The following CCSER1 variants were observed in gnomAD, a reference collection of about 807,000 sequenced individuals.
The protein encoded by CCSER1 is serine-rich coiled-coil domain-containing protein 1.
CCSER1 carries 41 observed loss-of-function variants against 82.0 expected under a neutral mutation model. The observed-to-expected ratio is 0.50, with a 90% confidence interval of 0.39 to 0.65. CCSER1 has a LOEUF of 0.65. Among genes scored for constraint, CCSER1 ranks in the 30% least tolerant of loss-of-function variants. The pLI is 0.00. For synonymous variants in CCSER1, 414 were observed against 383.9 expected, an observed-to-expected ratio of 1.08 and a Z score of -0.92; for missense variants, 1,119 against 1,064.2, an observed-to-expected ratio of 1.05 and a Z score of -0.72.
At chr4:90,409,485 T>G (rs987754493) in intron 4 of CCSER1, among the ~76,000 whole-genome samples, 10 of 152,272 alleles carry the variant, frequency 6.6e-5, no homozygotes, top group African/African-American at 1.9e-4. Flanking sequence ...TCAACATTCT[T>G]AAAGAAAAGA....
intron 6 of CCSER1, among the ~76,000 whole-genome samples, chr4:90,687,415 A>T (rs1735018769): frequency 6.6e-6 from 1 of 152,222 alleles, no homozygotes; most frequent in East Asian, 1.9e-4. Context: ...AGGAAAAAAA[A>T]ATAGACACTT....
At chr4:90,891,583 A>G (rs192430480) in intron 8 of CCSER1, among the ~76,000 whole-genome samples, 1 of 152,082 alleles carries the variant, frequency 6.6e-6, no homozygotes, top group African/African-American at 2.4e-5. Flanking sequence ...CCTTAAGACT[A>G]AAATATTTCT....
Position 90,309,180 on chromosome 4 carries a change from A to G in CCSER1, c.896A>G (p.Asn299Ser), listed in dbSNP as rs570695753. ...GATTCTACCTCTCAGATGTCCCTCA[A>G]TTCTGCTGCTGTTACAAAGACAACA... Reference protein sequence around the residue: ...HNDSTSQMSLNSAAVTKTTTE... With the variant: ...HNDSTSQMSLSSAAVTKTTTE... The change falls in exon 2 of 11, where the codon AAT becomes AGT. Residue 299 changes from asparagine (N) to serine (S), a missense_variant. Transcript: ENST00000509176. 2.5e-6 allele frequency: 4 copies of G among 1,613,920 alleles called. No homozygotes were observed. The highest frequency in any genetic ancestry group is 1.3e-5 in the African/African-American group (1 of 75,042).
Position 90,453,274 on chromosome 4 carries a change from A to C in CCSER1, c.1604-14960A>C, listed in dbSNP as rs1310052893. 2.0e-5 allele frequency among the ~76,000 whole-genome samples: 3 copies of C among 152,292 alleles called. No individual in the cohort carries two copies. The East Asian group carries it at 5.8e-4, about 29-fold the overall frequency. Reference sequence around the variant, plus strand: ...AGTTCCCTCAGGTATTTCAGTTAGCAGGTTATAGGAATTGGGAACCACCAG... The same window carrying C: ...AGTTCCCTCAGGTATTTCAGTTAGCCGGTTATAGGAATTGGGAACCACCAG... On this transcript the variant is annotated intron_variant, in intron 4 of 10. Coordinates refer to ENST00000509176, the MANE Select transcript of CCSER1 (RefSeq NM_001145065.2).
rs570448343 is a variant in CCSER1 at position 90,247,946 on chromosome 4, C to G, written c.-41-60298C>G. The stretch of plus-strand genomic sequence containing the variant: ...AAGATATTATTTACCATAAATTTTC[C>G]AGTATTGCCAATATATCTTTTTTGG... On this transcript the variant is annotated intron_variant, in intron 1 of 10. Coordinates refer to ENST00000509176, the MANE Select transcript of CCSER1 (RefSeq NM_001145065.2). Among the ~76,000 whole-genome samples, 32 of 151,878 alleles carry G rather than the reference C, an allele frequency of 2.1e-4. No homozygotes were observed. The South Asian group carries it at 6.0e-3, about 29-fold the overall frequency.
chr4:90,341,092 A>G (rs1236726194), intron 3 of CCSER1, among the ~76,000 whole-genome samples: 3 of 152,122 alleles, frequency 2.0e-5, no homozygotes, highest in Admixed American at 2.0e-4. Context: ...ATAGAAAATA[A>G]TTTTGAGAAC....
chr4:90,299,234 CTCTTTT>C (rs1732620747), intron 1 of CCSER1, among the ~76,000 whole-genome samples: 1 of 152,018 alleles, frequency 6.6e-6, no homozygotes, highest in South Asian at 2.1e-4. Flanking sequence ...CACCCTCTTT[CTCTTTT>C]TATCTGGGGG....
intron 6 of CCSER1, among the ~76,000 whole-genome samples, chr4:90,681,857 A>T (rs947469045): frequency 1.3e-5 from 2 of 152,032 alleles, no homozygotes; most frequent in Non-Finnish European, 2.9e-5. Context: ...AAAATGGTAA[A>T]TTTTTACATT....
At chr4:90,577,809 G>C (rs1310422582) in intron 5 of CCSER1, among the ~76,000 whole-genome samples, 1 of 152,008 alleles carries the variant, frequency 6.6e-6, no homozygotes, top group Non-Finnish European at 1.5e-5. Flanking sequence ...TATTTATTTT[G>C]ACAAATAATT....
At chr4:91,332,521 TTTTATTTTTTA>T (rs1301294353) in intron 10 of CCSER1, among the ~76,000 whole-genome samples, 1 of 151,872 alleles carries the variant, frequency 6.6e-6, no homozygotes. Context: ...TTCTAGTTCT[TTTTATTTTTTA>T]TATACAATAG....
intron 8 of CCSER1, among the ~76,000 whole-genome samples, chr4:90,922,269 A>G (rs1728495317): frequency 6.6e-6 from 1 of 151,942 alleles, no homozygotes; most frequent in South Asian, 2.1e-4. Flanking sequence ...GCAATGAAGG[A>G]AAGTGTGAGG....
intron 10 of CCSER1, among the ~76,000 whole-genome samples, chr4:91,315,001 A>G (rs754450484): frequency 3.3e-4 from 50 of 151,982 alleles, no homozygotes; most frequent in Non-Finnish European, 6.0e-4. Context: ...ACTGTGGGCA[A>G]CTAGAGTTTA....
chr4:90,790,039 C>G (rs143322010), intron 7 of CCSER1, among the ~76,000 whole-genome samples: 12 of 152,270 alleles, frequency 7.9e-5, no homozygotes, highest in African/African-American at 2.4e-4. Flanking sequence ...ACTCTCCCTT[C>G]TCATTTGCCT....
chr4:90,230,800 A>G (rs1477472184), intron 1 of CCSER1, among the ~76,000 whole-genome samples: 1 of 152,180 alleles, frequency 6.6e-6, no homozygotes, highest in African/African-American at 2.4e-5. Flanking sequence ...ATCACCACCA[A>G]TCCCACAGAA....
intron 10 of CCSER1, among the ~76,000 whole-genome samples, chr4:91,127,498 A>T (rs1300192514): frequency 2.0e-5 from 3 of 152,062 alleles, no homozygotes; most frequent in African/African-American, 7.2e-5. Flanking sequence ...TGTTGCAGGC[A>T]CAAATTTGCA....
intron 10 of CCSER1, among the ~76,000 whole-genome samples, chr4:91,590,198 T>A (rs760872051): frequency 1.2e-4 from 18 of 152,078 alleles, no homozygotes; most frequent in Non-Finnish European, 1.8e-4. Flanking sequence ...GAATTTAGTA[T>A]ACCCTAAAGA....
intron 9 of CCSER1, among the ~76,000 whole-genome samples, chr4:91,020,986 G>A (rs893517453): frequency 6.6e-6 from 1 of 152,054 alleles, no homozygotes; most frequent in African/African-American, 2.4e-5. Context: ...AAATCGTTAA[G>A]AAAACGAGAT....
chr4:90,817,146 C>T (rs1199657648), intron 8 of CCSER1, among the ~76,000 whole-genome samples: 2 of 151,986 alleles, frequency 1.3e-5, no homozygotes, highest in Non-Finnish European at 2.9e-5. Flanking sequence ...CCTCTAGGTA[C>T]ATATTATCTA....
At chr4:90,231,240 T>G (rs1049713624) in intron 1 of CCSER1, among the ~76,000 whole-genome samples, 2 of 151,926 alleles carry the variant, frequency 1.3e-5, no homozygotes, top group Non-Finnish European at 2.9e-5. Context: ...ACTGGCAAAC[T>G]GAATCCAACA....
Sources: gnomAD v4.1 joint callset for allele counts (sites outside exome capture counted in the v4.1 genomes callset) on GRCh38, gnomAD v4.1.1 for gene constraint, MANE v1.5 for transcripts, NCBI Gene and HGNC (gene_info 2026-07-23, HGNC 2026-07-21) for gene names.